The following PPP2R2B variants were observed in gnomAD, a reference collection of about 807,000 sequenced individuals.
The protein encoded by PPP2R2B is protein phosphatase 2 regulatory subunit Bbeta.
Under a neutral mutation model 46.0 loss-of-function variants are expected in PPP2R2B, and 5 were observed. The observed-to-expected ratio is 0.11, with a 90% CI of 0.06 to 0.23. The LOEUF (loss-of-function observed/expected upper bound fraction) is 0.23, where lower values mean the gene tolerates loss of function less well. PPP2R2B is among the 10% of genes least tolerant of loss of function. The probability of loss-of-function intolerance (pLI) is 1.00; values close to 1 mark genes in which losing one functional copy is unlikely to be tolerated. For synonymous variants in PPP2R2B, 215 were observed against 206.7 expected (o/e 1.04, Z -0.34); for missense variants, 367 against 575.0 (o/e 0.64, Z 3.70).
At chr5:146,925,089 A>G (rs1763737510) in intron 1 of PPP2R2B, among the ~76,000 whole-genome samples, 1 of 152,178 alleles carries the variant, frequency 6.6e-6, no homozygotes, top group Non-Finnish European at 1.5e-5. Context: ...ACTGTCCTAT[A>G]TATTAAATCT....
intron 5 of PPP2R2B, among the ~76,000 whole-genome samples, chr5:146,668,411 A>G (rs1289960486): frequency 6.6e-6 from 1 of 152,126 alleles, no homozygotes; most frequent in Admixed American, 6.6e-5. Flanking sequence ...CATTTATGTA[A>G]TTCTCCCTCA....
intron 1 of PPP2R2B, among the ~76,000 whole-genome samples, chr5:146,906,839 C>A (rs1294416432): frequency 6.6e-6 from 1 of 152,162 alleles, no homozygotes; most frequent in Non-Finnish European, 1.5e-5. Context: ...ATGCCCTTGT[C>A]AAAACATATT....
At chr5:146,827,387 G>C (rs1322322120) in intron 2 of PPP2R2B, among the ~76,000 whole-genome samples, 1 of 151,994 alleles carries the variant, frequency 6.6e-6, no homozygotes, top group African/African-American at 2.4e-5. Context: ...CATAGAGTAA[G>C]GTAAAATACA....
chr5:146,995,567 G>T (rs1351885705), intron 1 of PPP2R2B, among the ~76,000 whole-genome samples: 2 of 152,196 alleles, frequency 1.3e-5, no homozygotes, highest in Admixed American at 6.5e-5. Flanking sequence ...AAGAAATAAA[G>T]GTTACTTTTA....
intron 2 of PPP2R2B, among the ~76,000 whole-genome samples, chr5:146,824,130 T>C (rs745872619): frequency 2.0e-5 from 3 of 152,192 alleles, no homozygotes; most frequent in Non-Finnish European, 4.4e-5. Context: ...GGATTTGAAA[T>C]GTATATATGT....
chr5:146,777,198 A>T (rs1295295456), intron 2 of PPP2R2B, among the ~76,000 whole-genome samples: 5 of 152,180 alleles, frequency 3.3e-5, no homozygotes, highest in African/African-American at 1.2e-4. Flanking sequence ...CATTATTCAC[A>T]ATAACCAAAA....
chr5:146,885,641 C>T (rs1411506025), intron 1 of PPP2R2B, among the ~76,000 whole-genome samples: 2 of 152,150 alleles, frequency 1.3e-5, no homozygotes, highest in Non-Finnish European at 2.9e-5. Flanking sequence ...GAATTAAAAG[C>T]ACGTGTTCCC....
chr5:146,904,271 A>G (rs1355726633), intron 1 of PPP2R2B, among the ~76,000 whole-genome samples: 1 of 152,208 alleles, frequency 6.6e-6, no homozygotes, highest in Non-Finnish European at 1.5e-5. Flanking sequence ...CACAGTTCCT[A>G]AAAGTATGAA....
intron 2 of PPP2R2B, among the ~76,000 whole-genome samples, chr5:146,822,508 T>A (rs1387205111): frequency 1.3e-5 from 2 of 151,550 alleles, no homozygotes; most frequent in Non-Finnish European, 2.9e-5. Flanking sequence ...CAGGAAGTCC[T>A]CATTCCCTAA....
At chr5:146,603,286 A>G (rs1232513647) in intron 7 of PPP2R2B, among the ~76,000 whole-genome samples, 1 of 152,208 alleles carries the variant, frequency 6.6e-6, no homozygotes, top group Non-Finnish European at 1.5e-5. Context: ...TATTTGAAAG[A>G]CATAAAGAAT....
At chr5:146,896,260 G>A (rs907310037) in intron 1 of PPP2R2B, among the ~76,000 whole-genome samples, 1 of 152,106 alleles carries the variant, frequency 6.6e-6, no homozygotes, top group Non-Finnish European at 1.5e-5. Context: ...CAGGTATTAT[G>A]CATGTCTTTA....
intron 5 of PPP2R2B, among the ~76,000 whole-genome samples, chr5:146,665,919 G>A (rs753539957): frequency 6.6e-6 from 1 of 152,218 alleles, no homozygotes; most frequent in African/African-American, 2.4e-5. Flanking sequence ...TCGAAAAATG[G>A]TGCTAATAGA....
intron 5 of PPP2R2B, among the ~76,000 whole-genome samples, chr5:146,675,874 T>C (rs1355981774): frequency 6.6e-6 from 1 of 151,980 alleles, no homozygotes; most frequent in Non-Finnish European, 1.5e-5. Context: ...GGTAATGATT[T>C]ATATGTCGTA....
chr5:146,886,595 A>G (rs1762336502), intron 1 of PPP2R2B, among the ~76,000 whole-genome samples: 1 of 151,970 alleles, frequency 6.6e-6, no homozygotes, highest in Non-Finnish European at 1.5e-5. Context: ...CAGTGCAGAA[A>G]CGCTTAAAAG....
chr5:146,833,928 C>A (rs911523214), intron 2 of PPP2R2B, among the ~76,000 whole-genome samples: 3 of 152,116 alleles, frequency 2.0e-5, no homozygotes, highest in Non-Finnish European at 4.4e-5. Flanking sequence ...TCATGTGAAT[C>A]AGGTTCTCTC....
intron 1 of PPP2R2B, among the ~76,000 whole-genome samples, chr5:146,952,304 T>TC (rs1751652374): frequency 6.6e-6 from 1 of 152,106 alleles, no homozygotes; most frequent in South Asian, 2.1e-4. Context: ...GATTTTTTTT[T>TC]CTCCATCCAT....
chr5:146,717,114 T>C (rs986849344), intron 2 of PPP2R2B, among the ~76,000 whole-genome samples: 2 of 152,216 alleles, frequency 1.3e-5, no homozygotes, highest in Admixed American at 1.3e-4. Context: ...ATGTTCCATT[T>C]TTACCTACAA....
In PPP2R2B at chr5:146,916,614, T is replaced by A. The variant is rs186402362; in HGVS notation, c.79+139051A>T. Among the ~76,000 whole-genome samples, 501 of 152,254 alleles carry A rather than the reference T, an allele frequency of 3.3e-3. 3 individuals are homozygous for A. Among genetic ancestry groups the A allele is most frequent in the African/African-American group, 0.011 (468 of 41,536 alleles). On this transcript the variant is annotated intron_variant, in intron 1 of 8. Coordinates refer to the PPP2R2B transcript ENST00000336640. ...AAACCCGTATCCCACAACTAAACTG[T>A]ATTGACTTCCCTCATCCATCTGAGT...
intron 2 of PPP2R2B, among the ~76,000 whole-genome samples, chr5:146,745,197 A>AGT (rs1397065696): frequency 1.2e-4 from 16 of 133,260 alleles, no homozygotes; most frequent in African/African-American, 4.1e-4. Context: ...AGAGAGAGAG[A>AGT]GAGAGAGAGA....
Sources: allele counts gnomAD v4.1 joint callset (sites outside exome capture counted in the v4.1 genomes callset), GRCh38; gene constraint gnomAD v4.1.1; transcripts MANE v1.5; gene names NCBI Gene and HGNC (gene_info 2026-07-23, HGNC 2026-07-21).